Variants in SARDH observed in about 807,000 individuals in gnomAD.
SARDH encodes the protein sarcosine dehydrogenase, mitochondrial.
A neutral mutation model predicts 109.1 loss-of-function variants in SARDH; 95 were observed. The observed-to-expected ratio is 0.87, with a 90% CI of 0.74 to 1.03. The LOEUF is 1.03. Among genes scored for constraint, SARDH ranks in the 50% least tolerant of loss-of-function variants. The pLI is 0.00. For missense variants in SARDH, 1,267 were observed against 1,287.8 expected (o/e 0.98, Z 0.25); for synonymous variants, 572 against 534.8 (o/e 1.07, Z -0.96).
chr9:133,673,943 A>T (rs1226585763), intron 17 of SARDH, among the ~76,000 whole-genome samples: 1 of 152,122 alleles, frequency 6.6e-6, no homozygotes, highest in Admixed American at 6.5e-5. Context: ...CTCAGCGAGG[A>T]TGGGGTCAGC....
intron 20 of SARDH, among the ~76,000 whole-genome samples, chr9:133,665,583 C>T (rs1830034051): frequency 6.6e-6 from 1 of 152,214 alleles, no homozygotes; most frequent in African/African-American, 2.4e-5. Flanking sequence ...AAGTAAAAGG[C>T]AGATCCAAAG....
chr9:133,726,963 A>C (rs994872219), intron 6 of SARDH, among the ~76,000 whole-genome samples: 1 of 152,138 alleles, frequency 6.6e-6, no homozygotes, highest in African/African-American at 2.4e-5. Context: ...CCCATTTTGC[A>C]GGAAAGGGAA....
Position 133,728,665 on chromosome 9 carries a change from C to G in SARDH, c.915+1100G>C, listed in dbSNP as rs1295541364. Among the ~76,000 whole-genome samples the G allele has an allele frequency of 6.6e-6, 1 of 152,204 alleles. No individual in the cohort carries two copies. The highest frequency in any genetic ancestry group is 2.4e-5 in the African/African-American group (1 of 41,438). ...ACATGTACTTGTCTGTACCTCCCCC[C>G]AGCTCTACCCAGCAAGAACTAGGTG... On this transcript the variant is annotated intron_variant, in intron 6 of 20. Coordinates refer to ENST00000439388, the MANE Select transcript of SARDH (RefSeq NM_001134707.2). This position sits in a 1 kb window ranked among gnomAD's most constrained non-coding sequence, Gnocchi z 5.0.
intron 15 of SARDH, among the ~76,000 whole-genome samples, chr9:133,690,891 C>A (rs1831066842): frequency 6.6e-6 from 1 of 152,178 alleles, no homozygotes; most frequent in African/African-American, 2.4e-5. Context: ...TCTCACCTCT[C>A]TGAGCCCCCA....
chr9:133,687,952 C>T (rs1830943449), intron 16 of SARDH, among the ~76,000 whole-genome samples: 1 of 152,202 alleles, frequency 6.6e-6, no homozygotes, highest in Admixed American at 6.5e-5. Context: ...CTGCCTCCCC[C>T]GCCACCGCCT....
At chr9:133,668,403 TC>T (rs201698739) in intron 19 of SARDH, among the ~76,000 whole-genome samples, 3 of 48,668 alleles carry the variant, frequency 6.2e-5, no homozygotes, top group Admixed American at 2.6e-4. Flanking sequence ...CCCTCTCCCT[TC>T]ACCCTCCCTC....
intron 12 of SARDH, chr9:133,703,365 C>G (rs912826029): frequency 2.9e-6 from 1 of 344,994 alleles, no homozygotes; most frequent in African/African-American, 2.0e-5. Flanking sequence ...CCTGGAGCCA[C>G]GGCAATCCCA....
At position 133,704,732 on chromosome 9, in the gene SARDH, G is replaced by A. The variant is rs958979569; in HGVS notation, c.1554+216C>T. On this transcript the variant is annotated intron_variant, in intron 12 of 20. Transcript: ENST00000439388. This position sits in a 1 kb window ranked among gnomAD's most constrained non-coding sequence, Gnocchi z 4.5. ...ACAGCGGACGGGTAGTGGGGAGGAC[G>A]AGGAGTGGGAATTGCGTGAACGGCA... Among the ~76,000 whole-genome samples the A allele has an allele frequency of 3.3e-5, 5 of 152,208 alleles. No homozygotes were observed. The highest frequency in any genetic ancestry group is 2.0e-4 in the Admixed American group (3 of 15,286).
intron 17 of SARDH, among the ~76,000 whole-genome samples, chr9:133,678,781 G>A (rs1830601312): frequency 6.6e-6 from 1 of 152,158 alleles, no homozygotes; most frequent in Non-Finnish European, 1.5e-5. Flanking sequence ...GGGTCTCTGG[G>A]TCCCCCTTTC....
chr9:133,711,509 G>A (rs760027539), intron 10 of SARDH, among the ~76,000 whole-genome samples: 2 of 152,252 alleles, frequency 1.3e-5, no homozygotes, highest in Non-Finnish European at 2.9e-5. Flanking sequence ...AGGCCCAGAC[G>A]GGCTCTGAGT....
At chr9:133,701,992 C>T (rs373070266) in intron 13 of SARDH, among the ~76,000 whole-genome samples, 1 of 152,234 alleles carries the variant, frequency 6.6e-6, no homozygotes, top group Admixed American at 6.5e-5. Context: ...CTACCCAAGC[C>T]GGACTTGCGA....
At position 133,708,327 on chromosome 9, in the gene SARDH, G is replaced by A. The variant is rs772986333; in HGVS notation, c.1430C>T (p.Pro477Leu). 1.9e-5 allele frequency: 30 copies of A among 1,613,252 alleles called. No homozygotes were observed. The highest frequency in any genetic ancestry group is 2.5e-5 in the Non-Finnish European group (29 of 1,179,748). The change falls in exon 11 of 21, where the codon CCG (proline) becomes CTG (leucine). Residue 477 changes from proline to leucine, a missense_variant. Pro to Leu is a moderately conservative substitution (Grantham distance 98). Coordinates refer to ENST00000439388, the MANE Select transcript of SARDH (RefSeq NM_001134707.2). ...NYSVVFPHDE[P>L]LAGRNMRRDP... ...TCTCCTCATGTTGCGCCCGGCCAGCGGCTCATCGTGGGGGAAGACGACGGA... is the reference window on the plus strand; with the variant it reads ...TCTCCTCATGTTGCGCCCGGCCAGCAGCTCATCGTGGGGGAAGACGACGGA...
At chr9:133,714,553 C>A (rs1041375161) in intron 8 of SARDH, among the ~76,000 whole-genome samples, 1 of 152,090 alleles carries the variant, frequency 6.6e-6, no homozygotes, top group African/African-American at 2.4e-5. Flanking sequence ...CCAAGGCAGG[C>A]GGATGTCTGG....
At position 133,728,446 on chromosome 9, in the gene SARDH, G is replaced by GC. The variant is rs1832566679; in HGVS notation, c.915+1318dup. ...GGCAGTCTGTTCTCACACTGACCCT[G>GC]CCCCACAGCCTCTGGCCCTGGCTCT... On this transcript the variant is annotated intron_variant, in intron 6 of 20. Transcript: ENST00000439388. This position sits in a 1 kb window ranked among gnomAD's most constrained non-coding sequence, Gnocchi z 5.0. 6.6e-6 allele frequency among the ~76,000 whole-genome samples: 1 copy of GC among 152,138 alleles called. No individual in the cohort carries two copies. The highest frequency in any genetic ancestry group is 1.5e-5 in the Non-Finnish European group (1 of 68,018).
At chr9:133,667,046 T>C in intron 19 of SARDH, 176 bp from the exon 20 acceptor site, 2 of 757,254 alleles carry the variant, frequency 2.6e-6, no homozygotes, top group Admixed American at 2.3e-5. Flanking sequence ...GCACCTGGCC[T>C]GGACAGCAGG....
chr9:133,709,619 G>C lies in SARDH; in HGVS notation c.1329-1191C>G, dbSNP rs958839720. On this transcript the variant is annotated intron_variant, in intron 10 of 20. Transcript: ENST00000439388. The surrounding 1 kb of genome is among the most constrained non-coding windows in gnomAD (Gnocchi z 4.2). ...AAGCAGAATTTTCTGATCTGGATGG[G>C]TGGGGAGTAGAGGTGCAGACGTGAG... is the stretch of plus-strand genomic sequence containing the variant. Among the ~76,000 whole-genome samples, 1 of 152,130 alleles carries C rather than the reference G, an allele frequency of 6.6e-6. No homozygotes were observed. Among genetic ancestry groups the C allele is most frequent in the Non-Finnish European group, 1.5e-5 (1 of 68,040 alleles).
rs547588474 is a variant in SARDH at position 133,726,368 on chromosome 9, A to AAATAATAATAATAAT, written c.915+3382_915+3396dup. Reference sequence around the variant, plus strand: ...GGGAAACAGAGTGAGACCCTGTCTCAAATAATAATAATAATAATAATAATA... The same window carrying AAATAATAATAATAAT: ...GGGAAACAGAGTGAGACCCTGTCTCAAATAATAATAATAATAATAATAATAATAATAATAATAATA... On this transcript the variant is annotated intron_variant, in intron 6 of 20. Transcript: ENST00000439388. 8.4e-3 allele frequency among the ~76,000 whole-genome samples: 956 copies of AAATAATAATAATAAT among 114,134 alleles called. 12 individuals are homozygous for AAATAATAATAATAAT. The highest frequency in any genetic ancestry group is 0.025 in the East Asian group (102 of 4,104). 74.9% of individuals were successfully genotyped at this position (114,134 alleles called of 152,430 possible). A position where few individuals can be genotyped will look rare whatever the true frequency, so the allele number is the denominator to read the frequency against.
intron 1 of SARDH, among the ~76,000 whole-genome samples, chr9:133,738,044 C>T (rs1224361207): frequency 6.6e-6 from 1 of 152,202 alleles, no homozygotes; most frequent in Non-Finnish European, 1.5e-5. Flanking sequence ...GGCACCTTCG[C>T]CTGGTGAGGG....
chr9:133,671,652 G>A lies in SARDH; in HGVS notation c.2209C>T (p.Leu737=). 6.3e-7 allele frequency: 1 copy of A among 1,593,692 alleles called. No individual in the cohort carries two copies. The highest frequency in any genetic ancestry group is 8.5e-7 in the Non-Finnish European group (1 of 1,170,542). ...ACGCAGGACGCCTTTGGAATGTGCAGCTCCCAGCCCAGCTCCCCCACAAAG... is the reference window on the plus strand; with the variant it reads ...ACGCAGGACGCCTTTGGAATGTGCAACTCCCAGCCCAGCTCCCCCACAAAG... ...LSFVGELGWE[L]HIPKASCVPV... The change falls in exon 18 of 21, where the codon CTG becomes TTG. Residue 737 remains leucine, a synonymous_variant. Coordinates refer to ENST00000439388, the MANE Select transcript of SARDH (RefSeq NM_001134707.2).
Sources: gnomAD v4.1 joint callset for allele counts (sites outside exome capture counted in the v4.1 genomes callset) on GRCh38, gnomAD v4.1.1 for gene constraint, Gnocchi (gnomAD v3.1) non-coding constraint, MANE v1.5 for transcripts, NCBI Gene and HGNC (gene_info 2026-07-23, HGNC 2026-07-21) for gene names.